The following CNTN4 variants were observed in gnomAD, a reference collection of about 807,000 sequenced individuals.
CNTN4 encodes the protein contactin-4.
In CNTN4, 77 loss-of-function variants were observed where a neutral mutation model predicts 122.5. The ratio of observed to expected loss-of-function variants is 0.63; its 90% confidence interval spans 0.52 to 0.76. The LOEUF is 0.76. CNTN4 is among the 30% of genes least tolerant of loss of function. The pLI is 0.00. For synonymous variants in CNTN4, 512 were observed against 447.0 expected (o/e 1.15, Z -1.83); for missense variants, 1,256 against 1,259.1 (o/e 1.00, Z 0.04).
chr3:2,269,054 C>A (rs945833262), intron 2 of CNTN4, among the ~76,000 whole-genome samples: 1 of 152,124 alleles, frequency 6.6e-6, no homozygotes, highest in African/African-American at 2.4e-5. Context: ...GCATTAGTTG[C>A]ACTGCCTGTA....
At chr3:2,872,676 T>A (rs1313083636) in intron 8 of CNTN4, among the ~76,000 whole-genome samples, 1 of 152,124 alleles carries the variant, frequency 6.6e-6, no homozygotes, top group African/African-American at 2.4e-5. Context: ...TTTCAAATTC[T>A]CTCTTTCTCT....
chr3:2,897,229 C>T (rs987594783), intron 10 of CNTN4, among the ~76,000 whole-genome samples: 1 of 152,042 alleles, frequency 6.6e-6, no homozygotes, highest in Non-Finnish European at 1.5e-5. Context: ...GTTTATCTAT[C>T]CAAGAGACAA....
rs557288809 is a variant in CNTN4, at chr3:2,917,100, G to C, written c.1208-8529G>C. 3.6e-4 allele frequency among the ~76,000 whole-genome samples: 49 copies of C among 134,690 alleles called. 11 individuals are homozygous for C. Among genetic ancestry groups the C allele is most frequent in the African/African-American group, 1.3e-3 (46 of 35,008 alleles). The allele number at this position is 134,690 out of a possible 152,430, so 88.4% of individuals were successfully genotyped here. On this transcript the variant is annotated intron_variant, in intron 12 of 24. Transcript: ENST00000418658. The stretch of plus-strand genomic sequence containing the variant: ...GGATCACTCGCGGTTAGGAGCTGGA[G>C]ACCAGCCCGGCCAACACGGCGAAAC...
chr3:2,552,783 A>G (rs2078564280), intron 3 of CNTN4, among the ~76,000 whole-genome samples: 1 of 152,188 alleles, frequency 6.6e-6, no homozygotes, highest in Non-Finnish European at 1.5e-5. Flanking sequence ...TGCTGAATGG[A>G]AAAACCAATT....
At chr3:2,417,402 A>G (rs915567002) in intron 3 of CNTN4, among the ~76,000 whole-genome samples, 3 of 152,176 alleles carry the variant, frequency 2.0e-5, no homozygotes, top group African/African-American at 7.2e-5. Flanking sequence ...CAATTCCACA[A>G]TCAAGATTTG....
chr3:2,201,293 G>A (rs1398733922), intron 2 of CNTN4, among the ~76,000 whole-genome samples: 5 of 152,134 alleles, frequency 3.3e-5, no homozygotes, highest in Admixed American at 1.3e-4. Context: ...TAAAAAAACT[G>A]CCTCAATGAG....
intron 8 of CNTN4, among the ~76,000 whole-genome samples, chr3:2,874,029 A>C (rs1206268069): frequency 3.3e-5 from 5 of 152,224 alleles, no homozygotes; most frequent in African/African-American, 1.2e-4. Flanking sequence ...TGAGGAGAAC[A>C]TCTAAATGAC....
chr3:2,340,710 T>TAGAGAGAGAG (rs747326741), intron 3 of CNTN4, among the ~76,000 whole-genome samples: 211 of 18,266 alleles, frequency 0.012, 6 homozygotes, highest in African/African-American at 0.017. Context: ...TATATATATA[T>TAGAGAGAGAG]AGAGAGAGAG....
At chr3:2,554,284 T>C (rs1236587222) in intron 3 of CNTN4, among the ~76,000 whole-genome samples, 1 of 152,184 alleles carries the variant, frequency 6.6e-6, no homozygotes, top group Non-Finnish European at 1.5e-5. Context: ...TGTTTATATT[T>C]GTAAGTTTTA....
intron 3 of CNTN4, among the ~76,000 whole-genome samples, chr3:2,544,847 T>G (rs2078180168): frequency 6.6e-6 from 1 of 151,936 alleles, no homozygotes; most frequent in South Asian, 2.1e-4. Flanking sequence ...ATCTTTTGTG[T>G]GGTTTTTCAC....
At chr3:2,582,712 G>A (rs2080000285) in intron 4 of CNTN4, among the ~76,000 whole-genome samples, 1 of 152,166 alleles carries the variant, frequency 6.6e-6, no homozygotes, top group African/African-American at 2.4e-5. Context: ...TCTTGAAGAT[G>A]CAGGATAGGC....
At chr3:2,715,614 G>C (rs149925591) in intron 4 of CNTN4, among the ~76,000 whole-genome samples, 5,903 of 152,272 alleles carry the variant, frequency 0.039, 159 homozygotes, top group Non-Finnish European at 0.057. Context: ...AAACTGGGTA[G>C]TTCGAACTAT....
chr3:2,736,624 C>T (rs186017946), intron 5 of CNTN4, among the ~76,000 whole-genome samples: 1,736 of 151,026 alleles, frequency 0.011, 13 homozygotes, highest in Non-Finnish European at 0.017. Flanking sequence ...CCACCACGCC[C>T]GGCTAATTTT....
intron 2 of CNTN4, among the ~76,000 whole-genome samples, chr3:2,246,117 C>T (rs1242916968): frequency 6.6e-6 from 1 of 151,932 alleles, no homozygotes; most frequent in African/African-American, 2.4e-5. Flanking sequence ...TTTAACCCTA[C>T]ATTCTCTGAT....
intron 2 of CNTN4, among the ~76,000 whole-genome samples, chr3:2,206,725 G>T (rs527733002): frequency 6.6e-6 from 1 of 152,094 alleles, no homozygotes; most frequent in African/African-American, 2.4e-5. Context: ...AGCATAGCTA[G>T]TATTTGCTTA....
chr3:2,197,870 C>T (rs557454756), intron 2 of CNTN4, among the ~76,000 whole-genome samples: 2 of 151,964 alleles, frequency 1.3e-5, no homozygotes, highest in Admixed American at 6.6e-5. Flanking sequence ...CAAAAATTAG[C>T]CAGGAGTGGT....
intron 13 of CNTN4, among the ~76,000 whole-genome samples, chr3:2,954,238 T>C (rs917561069): frequency 6.6e-6 from 1 of 152,144 alleles, no homozygotes; most frequent in Admixed American, 6.6e-5. Context: ...TGTCAGCCTG[T>C]CCTCAGGAGA....
At chr3:2,960,192 A>G (rs2094838761) in intron 13 of CNTN4, among the ~76,000 whole-genome samples, 1 of 152,182 alleles carries the variant, frequency 6.6e-6, no homozygotes, top group Non-Finnish European at 1.5e-5. Context: ...TTGGTTTGAG[A>G]TAATTCCCTG....
rs993982658 is a variant in CNTN4, at chr3:2,380,561, G to A, written c.-89+41328G>A. On this transcript the variant is annotated intron_variant, in intron 3 of 24. Transcript: ENST00000418658. ...TTGGTTTATCTGAACACCACTTTTA[G>A]GGGCTAAGTAAATATTCCCACTTTA... Among the ~76,000 whole-genome samples, 4 of 152,134 alleles carry A rather than the reference G, an allele frequency of 2.6e-5. No homozygotes were observed. The South Asian group carries it at 6.2e-4, about 24-fold the overall frequency.
Sources: gnomAD v4.1 joint callset for allele counts (sites outside exome capture counted in the v4.1 genomes callset) on GRCh38, gnomAD v4.1.1 for gene constraint, MANE v1.5 for transcripts, NCBI Gene and HGNC (gene_info 2026-07-23, HGNC 2026-07-21) for gene names.